LRGUK: variants seen among roughly 807,000 people sequenced by gnomAD.
LRGUK encodes leucine-rich repeat and guanylate kinase domain-containing protein.
Under a neutral mutation model 76.0 loss-of-function variants are expected in LRGUK, and 65 were observed. That is an observed-to-expected ratio of 0.85 (90% confidence interval 0.70 to 1.05). LRGUK has a LOEUF of 1.05. LRGUK is among the 50% of genes least tolerant of loss of function. The pLI is 0.00. For missense variants in LRGUK, 758 were observed against 732.8 expected (o/e 1.03, Z -0.40); for synonymous variants, 268 against 265.6 (o/e 1.01, Z -0.09).
chr7:134,273,813 CT>C, the LRGUK span, among the ~76,000 whole-genome samples: 1 of 151,740 alleles, frequency 6.6e-6, no homozygotes, highest in Non-Finnish European at 1.5e-5. Context: ...TGGCTCATGT[CT>C]TTGTTACATT....
At chr7:134,275,343 C>A in the LRGUK span, among the ~76,000 whole-genome samples, 1 of 152,020 alleles carries the variant, frequency 6.6e-6, no homozygotes, top group Non-Finnish European at 1.5e-5. Flanking sequence ...GTCTCATGGT[C>A]AAATTCTTGA....
At chr7:134,205,406 C>G (rs894398345) in intron 15 of LRGUK, among the ~76,000 whole-genome samples, 48 of 152,276 alleles carry the variant, frequency 3.2e-4, no homozygotes, top group African/African-American at 8.2e-4. Context: ...AGAGTCCCAG[C>G]AGAGTCACCA....
At chr7:134,214,800 ACAC>A (rs1801392847), downstream of LRGUK, among the ~76,000 whole-genome samples, 1 of 149,216 alleles carries the variant, frequency 6.7e-6, no homozygotes, top group Non-Finnish European at 1.5e-5. Flanking sequence ...ACACACACAC[ACAC>A]ACACACACAC....
At chr7:134,265,126 G>A (rs1802833436), downstream of LRGUK, among the ~76,000 whole-genome samples, 1 of 152,104 alleles carries the variant, frequency 6.6e-6, no homozygotes, top group Non-Finnish European at 1.5e-5. Context: ...GTCTTTTCTG[G>A]AGAAGTGGGG....
chr7:134,262,398 A>AT (rs2117233352), intron 19 of LRGUK, among the ~76,000 whole-genome samples: 1 of 152,276 alleles, frequency 6.6e-6, no homozygotes, highest in East Asian at 1.9e-4. Context: ...ATAAAGTCAA[A>AT]TATACTGGTT....
chr7:134,184,274 T>C (rs937071223), intron 11 of LRGUK, among the ~76,000 whole-genome samples: 3 of 151,758 alleles, frequency 2.0e-5, no homozygotes, highest in African/African-American at 2.4e-5. Flanking sequence ...TTCTTTTTTT[T>C]CTTTTTTTTT....
chr7:134,270,403 ACT>A, the LRGUK span, among the ~76,000 whole-genome samples: 1 of 152,202 alleles, frequency 6.6e-6, no homozygotes, highest in Admixed American at 6.5e-5. Context: ...ATATAATAAA[ACT>A]CTAAGCCCAT....
intron 12 of LRGUK, among the ~76,000 whole-genome samples, chr7:134,195,138 G>A (rs940436330): frequency 2.0e-5 from 3 of 151,850 alleles, no homozygotes; most frequent in Non-Finnish European, 2.9e-5. Flanking sequence ...CCAGTTTATC[G>A]ATCTGGGTGG....
chr7:134,201,048 T>C (rs1163147683), intron 14 of LRGUK, among the ~76,000 whole-genome samples: 2 of 152,186 alleles, frequency 1.3e-5, no homozygotes, highest in East Asian at 3.8e-4. Context: ...GGCCCCACCA[T>C]CTTCAAGCCA....
chr7:134,226,758 C>T (rs1490858409), intron 16 of LRGUK, among the ~76,000 whole-genome samples: 1 of 152,186 alleles, frequency 6.6e-6, no homozygotes, highest in African/African-American at 2.4e-5. Context: ...CTTACAATGT[C>T]ATTGTGTCAG....
chr7:134,158,157 C>G, exon 6 of LRGUK: 4 of 1,611,542 alleles, frequency 2.5e-6, no homozygotes, highest in Non-Finnish European at 3.4e-6. Flanking sequence ...AATACTTTGT[C>G]TGGTGAGTCT....
chr7:134,207,283 C>A (rs1417218555), intron 15 of LRGUK, among the ~76,000 whole-genome samples: 2 of 152,028 alleles, frequency 1.3e-5, no homozygotes, highest in Admixed American at 6.6e-5. Flanking sequence ...TTGTCATTAC[C>A]CCAAACAGAA....
chr7:134,252,374 A>AATTTAATTTAATTT (rs1563200839), intron 18 of LRGUK, among the ~76,000 whole-genome samples: 31 of 150,930 alleles, frequency 2.1e-4, no homozygotes, highest in African/African-American at 7.4e-4. Context: ...AAATTAAATT[A>AATTTAATTTAATTT]AATTAAAGGG....
chr7:134,131,225 A>G (rs752435694), intron 1 of LRGUK, among the ~76,000 whole-genome samples: 27 of 152,246 alleles, frequency 1.8e-4, no homozygotes, highest in Non-Finnish European at 3.2e-4. Context: ...ATTTAATAAG[A>G]AACTCTATAT....
At chr7:134,174,752 TAG>T in intron 8 of LRGUK, 116 bp downstream of exon 8, 1 of 698,694 alleles carries the variant, frequency 1.4e-6, no homozygotes, top group Non-Finnish European at 2.5e-6. Flanking sequence ...GGAATGTGAA[TAG>T]AGTTTGTCTA....
At chr7:134,272,716 T>A in the LRGUK span, among the ~76,000 whole-genome samples, 1 of 152,282 alleles carries the variant, frequency 6.6e-6, no homozygotes, top group Non-Finnish European at 1.5e-5. Flanking sequence ...AATTACTTTG[T>A]CTGAATGACA....
intron 16 of LRGUK, among the ~76,000 whole-genome samples, chr7:134,244,111 C>G (rs1802234354): frequency 2.6e-5 from 4 of 152,048 alleles, no homozygotes; most frequent in African/African-American, 9.7e-5. Flanking sequence ...AGAAAAAAAC[C>G]TAGGCAATAC....
intron 19 of LRGUK, among the ~76,000 whole-genome samples, chr7:134,260,341 T>C (rs560211214): frequency 2.8e-4 from 42 of 152,224 alleles, no homozygotes; most frequent in Admixed American, 5.9e-4. Context: ...CAGAAGATTG[T>C]GTTGGTGTAT....
intron 16 of LRGUK, among the ~76,000 whole-genome samples, chr7:134,232,134 C>A (rs117385594): frequency 0.018 from 2,689 of 152,232 alleles, 48 homozygotes; most frequent in African/African-American, 0.047. Flanking sequence ...GTAGTGAGAT[C>A]TTCTGGTCTA....
Sources: allele counts gnomAD v4.1 joint callset (sites outside exome capture counted in the v4.1 genomes callset), GRCh38; gene constraint gnomAD v4.1.1; transcripts MANE v1.5; gene names NCBI Gene and HGNC (gene_info 2026-07-23, HGNC 2026-07-21).